Variants in PCDHGB1 observed in about 807,000 individuals in gnomAD.
PCDHGB1 encodes protocadherin gamma subfamily B, 1, also known as protocadherin gamma-B1.
PCDHGB1 carries 34 observed loss-of-function variants against 56.6 expected under a neutral mutation model. The ratio of observed to expected loss-of-function variants is 0.60; its 90% CI spans 0.46 to 0.80. PCDHGB1 has a LOEUF of 0.80. PCDHGB1 is among the 30% of genes least tolerant of loss of function. The pLI, the probability that PCDHGB1 is intolerant of heterozygous loss-of-function variation, is 0.00. For synonymous variants in PCDHGB1, 561 were observed against 505.9 expected (o/e 1.11, Z -1.46); for missense variants, 1,278 against 1,204.6 (o/e 1.06, Z -0.90).
At chr5:141,389,883 C>A in intron 1 of PCDHGB1, 1 of 1,614,084 alleles carries the variant, frequency 6.2e-7, no homozygotes. Context: ...CGACAGCTTG[C>A]AGGAGGTGCT....
chr5:141,472,339 A>T (rs1330302365), intron 1 of PCDHGB1, among the ~76,000 whole-genome samples: 1 of 151,906 alleles, frequency 6.6e-6, no homozygotes, highest in Non-Finnish European at 1.5e-5. Flanking sequence ...TGGGAGATCG[A>T]GACCATCCTG....
intron 1 of PCDHGB1, chr5:141,360,898 G>A (rs1252117170): frequency 6.2e-7 from 1 of 1,614,040 alleles, no homozygotes; most frequent in Non-Finnish European, 8.5e-7. Flanking sequence ...GAGGGAGGAC[G>A]TGCCGCCGGG....
rs148641580 is a variant in PCDHGB1 at position 141,437,874 on chromosome 5, A to C, written c.2410-56933A>C. 3.9e-4 allele frequency among the ~76,000 whole-genome samples: 59 copies of C among 151,954 alleles called. 1 individual carries two copies. In the East Asian group the frequency reaches 5.8e-3, roughly 15 times the overall value. Reference sequence around the variant, plus strand: ...TGCCTTAGCCTCCCGAGTAGCTGGGACTACAGGCACACGCCACCACACCCA... The same window carrying C: ...TGCCTTAGCCTCCCGAGTAGCTGGGCCTACAGGCACACGCCACCACACCCA... On this transcript the variant is annotated intron_variant, in intron 1 of 3. Transcript: ENST00000523390.
chr5:141,472,254 T>C (rs1031738513), intron 1 of PCDHGB1, among the ~76,000 whole-genome samples: 1 of 152,074 alleles, frequency 6.6e-6, no homozygotes, highest in Admixed American at 6.6e-5. Context: ...TTTAAAGTTA[T>C]ATTATAGCCG....
intron 1 of PCDHGB1, chr5:141,403,454 C>T: frequency 6.2e-7 from 1 of 1,614,054 alleles, no homozygotes; most frequent in Non-Finnish European, 8.5e-7. Context: ...GAACTCCCTC[C>T]AGAGCTACCA....
At chr5:141,366,516 G>A (rs1198130864) in intron 1 of PCDHGB1, 2 of 1,614,274 alleles carry the variant, frequency 1.2e-6, no homozygotes, top group East Asian at 2.2e-5. Flanking sequence ...CAGGCTGAAG[G>A]CAGCAGGTTG....
chr5:141,445,975 G>A (rs1279186740), intron 1 of PCDHGB1, among the ~76,000 whole-genome samples: 1 of 152,124 alleles, frequency 6.6e-6, no homozygotes, highest in Non-Finnish European at 1.5e-5. Flanking sequence ...TGATTTATGA[G>A]GGTTATAAAT....
intron 2 of PCDHGB1, among the ~76,000 whole-genome samples, chr5:141,499,352 CA>C (rs2099791418): frequency 6.6e-6 from 1 of 152,058 alleles, no homozygotes; most frequent in South Asian, 2.1e-4. Context: ...AGTCATTCAA[CA>C]AACAAATAGC....
At chr5:141,383,111 GGAC>G in intron 1 of PCDHGB1, 1 of 1,614,040 alleles carries the variant, frequency 6.2e-7, no homozygotes, top group South Asian at 1.1e-5. Context: ...TCCAGAGGTA[GGAC>G]GCAGCTTTTC....
At chr5:141,459,035 AC>A (rs1337856322) in intron 1 of PCDHGB1, among the ~76,000 whole-genome samples, 1 of 152,218 alleles carries the variant, frequency 6.6e-6, no homozygotes, top group Non-Finnish European at 1.5e-5. Flanking sequence ...ATCCAGCCTT[AC>A]CAGCTATATT....
intron 1 of PCDHGB1, among the ~76,000 whole-genome samples, chr5:141,459,348 C>G (rs1015330513): frequency 2.6e-5 from 4 of 152,194 alleles, no homozygotes; most frequent in Admixed American, 2.0e-4. Context: ...TCTTGAAATT[C>G]ATTCATGTTC....
In PCDHGB1 at chr5:141,432,872, C is replaced by A. The variant is rs73280906; in HGVS notation, c.2410-61935C>A. The stretch of plus-strand genomic sequence containing the variant: ...GGTGGCCGCGGTCTCCTGCGTCTTC[C>A]TGGCCTTCGTCATCTTGCTGCTGGC... On this transcript the variant is annotated intron_variant, in intron 1 of 3. Transcript: ENST00000523390. The surrounding 1 kb of genome is among the most constrained non-coding windows in gnomAD (Gnocchi z 6.0). 2,361 of 1,614,192 alleles carry A rather than the reference C, an allele frequency of 1.5e-3. 32 individuals carry two copies. In the African/African-American group the frequency reaches 0.028, roughly 19 times the overall value.
chr5:141,497,858 C>T (rs920483410), intron 2 of PCDHGB1, among the ~76,000 whole-genome samples: 3 of 152,218 alleles, frequency 2.0e-5, no homozygotes, highest in Non-Finnish European at 2.9e-5. Flanking sequence ...TTTGATTCAG[C>T]GGCTCCAAAG....
chr5:141,408,239 C>A, intron 1 of PCDHGB1: 2 of 1,577,720 alleles, frequency 1.3e-6, no homozygotes, highest in South Asian at 2.3e-5. Flanking sequence ...CCGGGCCGGC[C>A]CGCGGCAGGT....
intron 1 of PCDHGB1, chr5:141,382,843 C>T (rs1588925022): frequency 5.4e-6 from 8 of 1,471,852 alleles, no homozygotes; most frequent in East Asian, 2.3e-5. Flanking sequence ...CCCGGATACA[C>T]CCGCATTCTG....
rs1561503598 is a variant in PCDHGB1 at position 141,352,534 on chromosome 5, G to A, written c.2274G>A (p.Lys758=). 2 of 1,613,978 alleles carry A rather than the reference G, an allele frequency of 1.2e-6. No homozygotes were observed. Among genetic ancestry groups the A allele is most frequent in the Non-Finnish European group, 1.7e-6 (2 of 1,179,886 alleles). ...YNLCIASHSA[K]TEFNSLNLTP... ...TATGTATTGCCTCTCATTCTGCAAA[G>A]ACAGAGTTTAATTCTCTCAACCTGA... The change falls in exon 1 of 4, where the codon AAG becomes AAA. Residue 758 remains lysine (K), a synonymous_variant. Transcript: ENST00000523390.
chr5:141,351,090 C>G lies in PCDHGB1; in HGVS notation c.830C>G (p.Ala277Gly). ...GGCATTAATGCAGAGATCACCTATG[C>G]CTTCCTCAATTCCCCAATAAGTACC... Reference protein sequence around the residue: ...DEGINAEITYAFLNSPISTSL... With the variant: ...DEGINAEITYGFLNSPISTSL... The change falls in exon 1 of 4, where the codon GCC (alanine) becomes GGC (glycine). Residue 277 changes from alanine (A) to glycine (G), a missense_variant. Ala to Gly is a moderately conservative substitution (Grantham distance 60). Coordinates refer to ENST00000523390, the MANE Select transcript of PCDHGB1 (RefSeq NM_018922.3). 6.2e-7 allele frequency: 1 copy of G among 1,614,036 alleles called. No homozygotes were observed. Among genetic ancestry groups the G allele is most frequent in the Non-Finnish European group, 8.5e-7 (1 of 1,179,886 alleles).
chr5:141,403,612 GC>G, intron 1 of PCDHGB1: 1 of 1,613,854 alleles, frequency 6.2e-7, no homozygotes, highest in Non-Finnish European at 8.5e-7. Flanking sequence ...GCGGCGAGCC[GC>G]GTCGCTCCAG....
chr5:141,423,327 A>C, intron 1 of PCDHGB1: 1 of 1,614,100 alleles, frequency 6.2e-7, no homozygotes, highest in Non-Finnish European at 8.5e-7. Context: ...CGGTGGCCGC[A>C]GTCTCCTGCA....
Sources: allele counts gnomAD v4.1 joint callset (sites outside exome capture counted in the v4.1 genomes callset), GRCh38; gene constraint gnomAD v4.1.1; non-coding constraint Gnocchi (gnomAD v3.1); transcripts MANE v1.5; gene names NCBI Gene and HGNC (gene_info 2026-07-23, HGNC 2026-07-21).